The following FAM53A variants were observed in gnomAD, a reference collection of about 807,000 sequenced individuals.
The protein encoded by FAM53A is family with sequence similarity 53 member A.
FAM53A carries 28 observed loss-of-function variants against 26.6 expected under a neutral mutation model. That is an observed-to-expected ratio of 1.05 (90% confidence interval 0.78 to 1.45). The LOEUF is 1.45. FAM53A is among the 40% of genes most tolerant of loss of function. The pLI is 0.00. For missense variants in FAM53A, 650 were observed against 575.8 expected, an observed-to-expected ratio of 1.13 and a Z score of -1.32; for synonymous variants, 290 against 253.1, an observed-to-expected ratio of 1.15 and a Z score of -1.38.
chr4:1,576,254 T>C, the FAM53A span, among the ~76,000 whole-genome samples: 5 of 152,346 alleles, frequency 3.3e-5, no homozygotes, highest in African/African-American at 1.2e-4. Flanking sequence ...CGGGGTAATA[T>C]GTGCTCATTA....
intron 3 of FAM53A, among the ~76,000 whole-genome samples, chr4:1,656,680 G>T (rs1261317609): frequency 6.6e-6 from 1 of 152,148 alleles, no homozygotes; most frequent in Admixed American, 6.5e-5. Context: ...AGGGGGTGGG[G>T]CTCTGGCCAG....
At chr4:1,574,863 ACC>A in the FAM53A span, among the ~76,000 whole-genome samples, 12 of 152,238 alleles carry the variant, frequency 7.9e-5, no homozygotes, top group Non-Finnish European at 1.6e-4. Context: ...CCCCGGACGG[ACC>A]GGCTGCCCGA....
At chr4:1,615,929 T>C (rs1436136214), downstream of FAM53A, among the ~76,000 whole-genome samples, 1 of 152,196 alleles carries the variant, frequency 6.6e-6, no homozygotes, top group East Asian at 1.9e-4. Context: ...TGGATGGCGA[T>C]GTTTCAGAGA....
chr4:1,673,064 C>T (rs368801169), intron 1 of FAM53A, among the ~76,000 whole-genome samples: 1 of 152,194 alleles, frequency 6.6e-6, no homozygotes, highest in African/African-American at 2.4e-5. Flanking sequence ...ATCACCACCA[C>T]GCCTGGCCTG....
At chr4:1,636,373 C>G (rs755326608), downstream of FAM53A, among the ~76,000 whole-genome samples, 2 of 152,224 alleles carry the variant, frequency 1.3e-5, no homozygotes, top group Admixed American at 6.5e-5. Flanking sequence ...AAGAGGATTA[C>G]GAGACCTCTG....
chr4:1,667,957 G>A (rs777656521), intron 2 of FAM53A, among the ~76,000 whole-genome samples: 1 of 152,166 alleles, frequency 6.6e-6, no homozygotes, highest in South Asian at 2.1e-4. Flanking sequence ...GGAAGCTAAC[G>A]TGGTGATCAA....
chr4:1,651,532 T>TAA (rs34037321), intron 4 of FAM53A, among the ~76,000 whole-genome samples: 1 of 145,292 alleles, frequency 6.9e-6, no homozygotes, highest in Admixed American at 6.8e-5. Flanking sequence ...AATTCTGTCT[T>TAA]AAAAAAAAAA....
chr4:1,666,159 CT>C (rs1230451053), intron 2 of FAM53A, among the ~76,000 whole-genome samples: 4 of 139,080 alleles, frequency 2.9e-5, no homozygotes, highest in Non-Finnish European at 4.7e-5. Flanking sequence ...CCTGCACCCC[CT>C]GTATCTAAAA....
At chr4:1,585,411 T>C in the FAM53A span, among the ~76,000 whole-genome samples, 6 of 151,534 alleles carry the variant, frequency 4.0e-5, no homozygotes, top group Non-Finnish European at 7.4e-5. Context: ...CTCAGTCTCC[T>C]CAGTAGCTGG....
chr4:1,589,751 A>AT, the FAM53A span, among the ~76,000 whole-genome samples: 2 of 151,954 alleles, frequency 1.3e-5, no homozygotes, highest in Admixed American at 1.3e-4. Flanking sequence ...TATTTTTGCC[A>AT]TTATTTTCCA....
the FAM53A span, among the ~76,000 whole-genome samples, chr4:1,576,730 C>G: frequency 6.6e-6 from 1 of 152,196 alleles, no homozygotes; most frequent in East Asian, 1.9e-4. Flanking sequence ...CGGCTGGGGC[C>G]AGGGTCCACA....
intron 1 of FAM53A, among the ~76,000 whole-genome samples, chr4:1,634,760 C>T (rs902646209): frequency 6.6e-6 from 1 of 151,988 alleles, no homozygotes; most frequent in Admixed American, 6.6e-5. Context: ...ATTAGCCAGG[C>T]ATGGTGGTGC....
chr4:1,661,204 T>C (rs1408592505), intron 2 of FAM53A, among the ~76,000 whole-genome samples: 1 of 152,106 alleles, frequency 6.6e-6, no homozygotes, highest in Non-Finnish European at 1.5e-5. Flanking sequence ...CCCAGATGCC[T>C]GTGCCCCCAG....
chr4:1,657,178 G>C lies in FAM53A; in HGVS notation c.136+230C>G, dbSNP rs191636211. ...CACCAGCTGAGGAGGGAGAGACCTG[G>C]CTGGGCCCGCACCCTACACGAGCCG... On this transcript the variant is annotated intron_variant, in intron 3 of 4. Coordinates refer to ENST00000308132, the MANE Select transcript of FAM53A (RefSeq NM_001174070.3). Among the ~76,000 whole-genome samples, 13 of 152,282 alleles carry C rather than the reference G, an allele frequency of 8.5e-5. No individual in the cohort carries two copies. In the East Asian group the frequency reaches 2.5e-3, roughly 29 times the overall value.
chr4:1,587,612 C>T, the FAM53A span, among the ~76,000 whole-genome samples: 1 of 152,156 alleles, frequency 6.6e-6, no homozygotes, highest in African/African-American at 2.4e-5. Flanking sequence ...GCAGAAGTTG[C>T]AGTGAGCTGA....
intron 1 of FAM53A, among the ~76,000 whole-genome samples, chr4:1,624,998 C>G (rs1284210276): frequency 7.4e-6 from 1 of 135,252 alleles, no homozygotes; most frequent in Non-Finnish European, 1.5e-5. Context: ...ACCAGGTGAT[C>G]AGAAGGCCCC....
chr4:1,640,707 C>T lies in FAM53A; in HGVS notation c.*586G>A, dbSNP rs543972988. The T allele has an allele frequency of 2.5e-3, 852 of 341,578 alleles. 19 individuals are homozygous for T. The highest frequency in any genetic ancestry group is 0.021 in the African/African-American group (769 of 35,928). 21.2% of individuals were successfully genotyped at this position (341,578 alleles called of 1,614,324 possible). ...AGTCTGTGCCCCAGGGCAGTGCAGG[C>T]GGCAGCCGTGGCCCCGACCAACTCA... On this transcript the variant is annotated 3_prime_UTR_variant, in exon 5 of 5. Coordinates refer to ENST00000308132, the MANE Select transcript of FAM53A (RefSeq NM_001174070.3).
At chr4:1,575,110 C>T in the FAM53A span, among the ~76,000 whole-genome samples, 1 of 152,166 alleles carries the variant, frequency 6.6e-6, no homozygotes, top group Admixed American at 6.5e-5. Context: ...CCCCTGAGTG[C>T]CCACTGCCTG....
At position 1,641,533 on chromosome 4, in the gene FAM53A, C is replaced by T. The variant is rs1206315684; in HGVS notation, c.957G>A (p.Thr319=). The change falls in exon 5 of 5, where the codon ACG becomes ACA. Residue 319 remains threonine, a synonymous_variant. Coordinates refer to ENST00000308132, the MANE Select transcript of FAM53A (RefSeq NM_001174070.3). ...GGGAGTCACATGGGGAGGACAGAAC[C>T]GTCTTCACTGGGGTGTCATCCTCAT... ...DDDEDDTPVK[T]VLSSPCDSRG... is the part of the protein sequence containing the mutation. 3.1e-6 allele frequency: 5 copies of T among 1,614,218 alleles called. No homozygotes were observed. Among genetic ancestry groups the T allele is most frequent in the Admixed American group, 1.7e-5 (1 of 60,022 alleles).
Sources: allele counts gnomAD v4.1 joint callset (sites outside exome capture counted in the v4.1 genomes callset), GRCh38; gene constraint gnomAD v4.1.1; transcripts MANE v1.5; gene names NCBI Gene and HGNC (gene_info 2026-07-23, HGNC 2026-07-21).